CIMAP1A: variants seen among roughly 807,000 people sequenced by gnomAD.
CIMAP1A encodes ciliary microtubule associated protein 1A, also known as cancer/testis antigen 135.
At chr11:198,125 G>A in the CIMAP1A span, 3 of 1,565,746 alleles carry the variant, frequency 1.9e-6, no homozygotes, top group Non-Finnish European at 2.6e-6. Flanking sequence ...ATGTTGGGGA[G>A]TCCTCCTTGA....
the CIMAP1A span, chr11:199,824 A>G: frequency 6.7e-7 from 1 of 1,481,850 alleles, no homozygotes; most frequent in Non-Finnish European, 8.9e-7. Flanking sequence ...ACCTGGGAGC[A>G]TAGCTTCTGG....
chr11:199,950 C>A, the CIMAP1A span: 2 of 1,614,106 alleles, frequency 1.2e-6, no homozygotes. Flanking sequence ...CCAGGTGACC[C>A]TGACCAAGCC....
the CIMAP1A span, chr11:197,488 C>T: frequency 6.3e-7 from 1 of 1,591,420 alleles, no homozygotes; most frequent in South Asian, 1.1e-5. Flanking sequence ...GGGCCTGGGG[C>T]TCAATCCCTG....
the CIMAP1A span, chr11:200,083 C>T: frequency 7.3e-5 from 116 of 1,593,364 alleles, 1 homozygote; most frequent in East Asian, 2.9e-4. Context: ...CAAGATCCGC[C>T]GGGCCACAGA....
chr11:198,067 C>T, the CIMAP1A span: 1 of 1,545,528 alleles, frequency 6.5e-7, no homozygotes, highest in Non-Finnish European at 8.7e-7. Context: ...ACCCCCTGAC[C>T]CGACTTGGTC....
the CIMAP1A span, chr11:197,198 C>G: frequency 9.5e-6 from 7 of 738,148 alleles, no homozygotes; most frequent in Non-Finnish European, 1.5e-5. Flanking sequence ...GCAGGTCTTA[C>G]CCTTCAGTGT....
At chr11:197,482 C>A in the CIMAP1A span, 1 of 1,594,814 alleles carries the variant, frequency 6.3e-7, no homozygotes, top group Non-Finnish European at 8.6e-7. Context: ...CGGGAAGGGC[C>A]TGGGGCTCAA....
chr11:197,752 C>T, the CIMAP1A span: 2 of 1,613,582 alleles, frequency 1.2e-6, no homozygotes, highest in Non-Finnish European at 1.7e-6. Flanking sequence ...CATGCTGACT[C>T]CTGGTCCAGG....
chr11:198,253 A>G, the CIMAP1A span: 12 of 1,613,788 alleles, frequency 7.4e-6, no homozygotes, highest in Admixed American at 1.7e-5. Context: ...GCACCCAGCC[A>G]CTCCATCTCT....
chr11:198,327 G>A, the CIMAP1A span: 1 of 1,613,632 alleles, frequency 6.2e-7, no homozygotes, highest in Non-Finnish European at 8.5e-7. Context: ...ACCATCCTCA[G>A]CCAAATGGAC....
At chr11:198,208 T>G in the CIMAP1A span, 1 of 1,613,852 alleles carries the variant, frequency 6.2e-7, no homozygotes, top group Non-Finnish European at 8.5e-7. Context: ...GGTGACTACT[T>G]TCCAGAGAAA....
the CIMAP1A span, chr11:196,853 G>T: frequency 6.5e-6 from 1 of 152,894 alleles, no homozygotes; most frequent in Non-Finnish European, 1.5e-5. Context: ...AGGCCAGGGG[G>T]GAAAGGACAG....
chr11:200,132 G>A, the CIMAP1A span: 1 of 1,193,782 alleles, frequency 8.4e-7, no homozygotes, highest in Non-Finnish European at 1.2e-6. Context: ...GGGCCAGCCT[G>A]GCCCTGCAGG....
At chr11:200,147 A>G in the CIMAP1A span, 4 of 981,468 alleles carry the variant, frequency 4.1e-6, no homozygotes, top group East Asian at 1.0e-4. Flanking sequence ...TGCAGGGCAG[A>G]GCACGCTTGT....
At chr11:197,722 G>C in the CIMAP1A span, 1 of 1,613,760 alleles carries the variant, frequency 6.2e-7, no homozygotes, top group Non-Finnish European at 8.5e-7. Context: ...CTCCATCCTG[G>C]GGCGCTACCA....
At chr11:199,847 C>A in the CIMAP1A span, 1 of 1,518,016 alleles carries the variant, frequency 6.6e-7, no homozygotes, top group African/African-American at 1.4e-5. Flanking sequence ...ACCTTGGCCC[C>A]AGGTTCAGGA....
the CIMAP1A span, chr11:199,075 C>T: frequency 7.8e-7 from 1 of 1,276,954 alleles, no homozygotes; most frequent in African/African-American, 1.5e-5. Context: ...TCAGGTCCAA[C>T]AGGGCAGCAA....
chr11:199,456 C>T, the CIMAP1A span: 2 of 1,563,998 alleles, frequency 1.3e-6, no homozygotes, highest in African/African-American at 1.4e-5. Flanking sequence ...CCGTGTGGAG[C>T]CCCCAGGGGA....
chr11:197,672 C>T, the CIMAP1A span: 1 of 1,613,738 alleles, frequency 6.2e-7, no homozygotes, highest in African/African-American at 1.3e-5. Context: ...AATGTAAACC[C>T]CAAGATACTG....
Sources: allele counts gnomAD v4.1 joint callset, GRCh38; gene constraint gnomAD v4.1.1; transcripts MANE v1.5; gene names NCBI Gene and HGNC (gene_info 2026-07-23, HGNC 2026-07-21).